METTL14: variants seen among roughly 807,000 people sequenced by gnomAD.
METTL14 encodes the protein N(6)-adenosine-methyltransferase non-catalytic subunit METTL14.
In METTL14, 32 loss-of-function variants were observed where a neutral mutation model predicts 62.4. The observed-to-expected ratio is 0.51, with a 90% CI of 0.39 to 0.69. The LOEUF (loss-of-function observed/expected upper bound fraction) is 0.69. Ranked by LOEUF, METTL14 falls within the 30% of genes least tolerant of loss-of-function variation. METTL14 has a pLI of 0.00. For synonymous variants in METTL14, 150 were observed against 180.0 expected, an observed-to-expected ratio of 0.83 and a Z score of 1.34; for missense variants, 340 against 551.9, an observed-to-expected ratio of 0.62 and a Z score of 3.85.
In METTL14 at chr4:118,691,554, A is replaced by G. The variant is rs778592432; in HGVS notation, c.266A>G (p.Asp89Gly). 9.0e-6 allele frequency: 14 copies of G among 1,555,224 alleles called. No homozygotes were observed. Among genetic ancestry groups the G allele is most frequent in the African/African-American group, 1.4e-5 (1 of 72,160 alleles). ...EYKDELEMQQ[D>G]EENLPYEEEI... ...AAGGATGAACTAGAAATGCAACAGG[A>G]TGAAGAAAATTTGCCATATGAAGAA... The change falls in exon 4 of 11, where the codon GAT becomes GGT. Residue 89 changes from aspartate to glycine, a missense_variant. Coordinates refer to ENST00000388822, the MANE Select transcript of METTL14 (RefSeq NM_020961.4).
chr4:118,697,075 A>G, intron 6 of METTL14, 107 bp from the exon 7 acceptor site: 1 of 776,560 alleles, frequency 1.3e-6, no homozygotes, highest in Non-Finnish European at 2.0e-6. Flanking sequence ...AATAATGTTT[A>G]GTGATATCTA....
At chr4:118,691,914 C>G (rs1162520617) in intron 4 of METTL14, 67 bp from the exon 5 acceptor site, 1 of 991,410 alleles carries the variant, frequency 1.0e-6, no homozygotes, top group South Asian at 1.4e-5. Flanking sequence ...TAATAGAAAA[C>G]AGTACAGAGA....
rs1004239498 is a variant in METTL14, at chr4:118,713,629, A to G, written c.*3327A>G. The G allele has an allele frequency of 2.6e-5, 4 of 152,198 alleles. No individual in the cohort carries two copies. The highest frequency in any genetic ancestry group is 9.6e-5 in the African/African-American group (4 of 41,464). The allele number at this position is 152,198 out of a possible 1,614,324, so 9.4% of individuals were successfully genotyped here. On this transcript the variant is annotated 3_prime_UTR_variant, in exon 11 of 11. Transcript: ENST00000388822. ...AAACATAAACCTTTGCTTATGCAGA[A>G]GGTCTTTCTTAGAACAATCCTGTAA...
At chr4:118,700,032 AT>A (rs879408263) in intron 7 of METTL14, among the ~76,000 whole-genome samples, 2,663 of 146,386 alleles carry the variant, frequency 0.018, 64 homozygotes, top group African/African-American at 0.058. Context: ...AAAGAGAATA[AT>A]TTTTTTTTTT....
chr4:118,685,499 C>G lies in METTL14; in HGVS notation c.-36C>G. On this transcript the variant is annotated 5_prime_UTR_variant, in exon 1 of 11. Coordinates refer to ENST00000388822, the MANE Select transcript of METTL14 (RefSeq NM_020961.4). ...TGGATAAGAGTTCACTGGAGATTGA[C>G]AAGTACTCGGGATAGTGAAAAGCCG... 6 of 1,602,606 alleles carry G rather than the reference C, an allele frequency of 3.7e-6. No homozygotes were observed. Among genetic ancestry groups the G allele is most frequent in the Non-Finnish European group, 5.1e-6 (6 of 1,169,462 alleles).
intron 6 of METTL14, among the ~76,000 whole-genome samples, chr4:118,695,374 C>G (rs976108616): frequency 6.6e-6 from 1 of 151,722 alleles, no homozygotes; most frequent in South Asian, 2.1e-4. Context: ...CATGCTGAAA[C>G]CCTGTCTCTA....
In METTL14 at chr4:118,697,263, A is replaced by G; in HGVS notation, c.585A>G (p.Leu195=). 1 of 1,612,308 alleles carries G rather than the reference A, an allele frequency of 6.2e-7. No homozygotes were observed. Among genetic ancestry groups the G allele is most frequent in the Non-Finnish European group, 8.5e-7 (1 of 1,179,286 alleles). ...ATGTGATTCTTCTGGAACCCCCTTT[A>G]GAAGAATATTACAGAGAAACTGGCA... ...KFDVILLEPP[L]EEYYRETGIT... Residue 195 remains leucine, a synonymous_variant, in exon 7 of 11, where the codon TTA becomes TTG. Coordinates refer to ENST00000388822, the MANE Select transcript of METTL14 (RefSeq NM_020961.4).
At chr4:118,688,965 C>T (rs71610228) in intron 2 of METTL14, among the ~76,000 whole-genome samples, 43,600 of 152,066 alleles carry the variant, frequency 0.29, 7,149 homozygotes, top group Non-Finnish European at 0.37. Context: ...ACCCACCATG[C>T]CCAGCCTAAA....
intron 7 of METTL14, among the ~76,000 whole-genome samples, chr4:118,698,212 T>C (rs1724476362): frequency 6.6e-6 from 1 of 151,940 alleles, no homozygotes; most frequent in South Asian, 2.1e-4. Context: ...CCCAGCACTT[T>C]GGGAGGCCGA....
At chr4:118,704,344 A>G (rs1724693002) in intron 9 of METTL14, among the ~76,000 whole-genome samples, 1 of 152,180 alleles carries the variant, frequency 6.6e-6, no homozygotes, top group Non-Finnish European at 1.5e-5. Flanking sequence ...GAATTTTTCT[A>G]GGCTCAGAAA....
chr4:118,698,320 G>A (rs528433844), intron 7 of METTL14, among the ~76,000 whole-genome samples: 27 of 151,928 alleles, frequency 1.8e-4, no homozygotes, highest in African/African-American at 5.8e-4. Context: ...GGGTGTGGTG[G>A]CACGTACCTG....
intron 8 of METTL14, among the ~76,000 whole-genome samples, chr4:118,702,977 A>ATTATTATTGT (rs1724647565): frequency 7.2e-6 from 1 of 139,150 alleles, no homozygotes; most frequent in African/African-American, 2.7e-5. Context: ...TATTATTATT[A>ATTATTATTGT]TACTTTAAGT....
At position 118,714,760 on chromosome 4, in the gene METTL14, T is replaced by A. The variant is rs2110414929; in HGVS notation, c.*4458T>A. ...CACCACCACACCCAGCTAATTTTAG[T>A]ATTCTTAGTAGAGACAGGATTTCAC... is the stretch of plus-strand genomic sequence containing the variant. On this transcript the variant is annotated 3_prime_UTR_variant, in exon 11 of 11. Transcript: ENST00000388822. 6.6e-6 allele frequency: 1 copy of A among 152,296 alleles called. No homozygotes were observed. The highest frequency in any genetic ancestry group is 6.5e-5 in the Admixed American group (1 of 15,302). The allele number at this position is 152,296 out of a possible 1,614,324, so 9.4% of individuals were successfully genotyped here. A position where few individuals can be genotyped will look rare whatever the true frequency, so the allele number is the denominator to read the frequency against.
intron 1 of METTL14, chr4:118,686,645 A>G (rs1256246658): frequency 1.3e-5 from 6 of 456,158 alleles, no homozygotes; most frequent in Non-Finnish European, 8.8e-6. Flanking sequence ...CAAATCAAGT[A>G]TCCTTTCTAA....
At chr4:118,699,869 A>C (rs980020602) in intron 7 of METTL14, among the ~76,000 whole-genome samples, 2 of 152,202 alleles carry the variant, frequency 1.3e-5, no homozygotes, top group Non-Finnish European at 2.9e-5. Flanking sequence ...AGGAAGTGCC[A>C]GTAGTTAATG....
In METTL14 at chr4:118,685,421, A is replaced by ACTCT. The variant is rs1294023378; in HGVS notation, c.-113_-110dup. ...CTCTACTGAGGAAAGCTATGAGGATACTCTGTTCGTAAGCTCCCGGTGAAT... is the reference window on the plus strand; with the variant it reads ...CTCTACTGAGGAAAGCTATGAGGATACTCTCTCTGTTCGTAAGCTCCCGGTGAAT... On this transcript the variant is annotated 5_prime_UTR_variant, in exon 1 of 11. It removes the in-frame stop codon of an upstream open reading frame in the 5' UTR. Coordinates refer to ENST00000388822, the MANE Select transcript of METTL14 (RefSeq NM_020961.4). 17 of 1,050,164 alleles carry ACTCT rather than the reference A, an allele frequency of 1.6e-5. No individual in the cohort carries two copies. The East Asian group carries it at 4.2e-4, about 26-fold the overall frequency. The allele number at this position is 1,050,164 out of a possible 1,614,324, so 65.1% of individuals were successfully genotyped here. A position where few individuals can be genotyped will look rare whatever the true frequency, so the allele number is the denominator to read the frequency against.
chr4:118,706,302 G>A (rs999553264), intron 10 of METTL14, among the ~76,000 whole-genome samples: 3 of 152,206 alleles, frequency 2.0e-5, no homozygotes, highest in African/African-American at 2.4e-5. Flanking sequence ...TACTGTCTCC[G>A]TAATTTGCCT....
Position 118,705,676 on chromosome 4 carries a change from T to C in METTL14, c.921T>C (p.Ala307=), listed in dbSNP as rs2110409549. The C allele has an allele frequency of 6.2e-7, 1 of 1,614,238 alleles. No individual in the cohort carries two copies. Among genetic ancestry groups the C allele is most frequent in the South Asian group, 1.1e-5 (1 of 91,086 alleles). ...GCACAGACGGGGACTTCATTCATGC[T>C]AATGTTGACATTGACTTAATTATCA... is the stretch of plus-strand genomic sequence containing the variant. ...KRSTDGDFIH[A]NVDIDLIITE... is the part of the protein sequence containing the mutation. Residue 307 remains alanine (A), a synonymous_variant, in exon 10 of 11, where the codon GCT becomes GCC. Coordinates refer to ENST00000388822, the MANE Select transcript of METTL14 (RefSeq NM_020961.4).
At chr4:118,698,302 A>C (rs1259855724) in intron 7 of METTL14, among the ~76,000 whole-genome samples, 1 of 151,636 alleles carries the variant, frequency 6.6e-6, no homozygotes, top group East Asian at 1.9e-4. Context: ...AAAATACAAA[A>C]ATTAGCCGGG....
Sources: allele counts gnomAD v4.1 joint callset (sites outside exome capture counted in the v4.1 genomes callset), GRCh38; gene constraint gnomAD v4.1.1; transcripts MANE v1.5; gene names NCBI Gene and HGNC (gene_info 2026-07-23, HGNC 2026-07-21).